TBL1X: variants seen among roughly 807,000 people sequenced by gnomAD.
TBL1X encodes F-box-like/WD repeat-containing protein TBL1X.
Under a neutral mutation model 50.7 loss-of-function variants are expected in TBL1X, and 10 were observed. That is an observed-to-expected ratio of 0.20 (90% CI 0.12 to 0.33). The LOEUF (loss-of-function observed/expected upper bound fraction) is 0.33. Among genes scored for constraint, TBL1X ranks in the 10% least tolerant of loss-of-function variants. The pLI is 1.00. For synonymous variants in TBL1X, 190 were observed against 214.7 expected (o/e 0.88, Z 1.01); for missense variants, 340 against 504.4 (o/e 0.67, Z 3.12).
At chrX:9,572,779 C>T (rs1456287412) in intron 2 of TBL1X, among the ~76,000 whole-genome samples, 1 of 112,650 alleles carries the variant, frequency 8.9e-6, no homozygotes. Flanking sequence ...CAGCAGATAA[C>T]AAAGCCCTTC....
chrX:9,707,790 GC>G (rs751035229), intron 13 of TBL1X, among the ~76,000 whole-genome samples: 71 of 111,816 alleles, frequency 6.3e-4, no homozygotes, highest in African/African-American at 2.3e-3. Context: ...TCTCCAGTCG[GC>G]CCCCTCCACC....
intron 5 of TBL1X, 108 bp from the exon 6 acceptor site, chrX:9,683,935 C>T: frequency 8.9e-7 from 1 of 1,122,468 alleles, no homozygotes; most frequent in Middle Eastern, 2.4e-4. Flanking sequence ...TCTGTCCCTG[C>T]AAATTAAGTG....
chrX:9,537,283 T>C (rs745313853), intron 2 of TBL1X, among the ~76,000 whole-genome samples: 39 of 111,242 alleles, frequency 3.5e-4, no homozygotes, highest in Non-Finnish European at 7.0e-4. Flanking sequence ...ATAGGTTTCC[T>C]CTCTCTACTG....
At chrX:9,607,261 A>AGTTCT (rs1370282294) in intron 2 of TBL1X, among the ~76,000 whole-genome samples, 1 of 113,037 alleles carries the variant, frequency 8.8e-6, no homozygotes, top group Non-Finnish European at 1.9e-5. Context: ...CGTGAGTGCC[A>AGTTCT]GTTCTGGACA....
intron 16 of TBL1X, among the ~76,000 whole-genome samples, chrX:9,713,280 G>A (rs752624916): frequency 4.5e-5 from 5 of 111,021 alleles, no homozygotes; most frequent in African/African-American, 6.6e-5. Flanking sequence ...TGAAATCCTC[G>A]CTAGAAATAG....
chrX:9,491,338 A>ATT (rs1157943868), intron 1 of TBL1X, among the ~76,000 whole-genome samples: 2,742 of 31,069 alleles, frequency 0.088, 128 homozygotes, highest in Non-Finnish European at 0.13. Context: ...ATATATATAT[A>ATT]TTTTTTTTTT....
chrX:9,712,361 G>A (rs1362202233), intron 16 of TBL1X, among the ~76,000 whole-genome samples: 8 of 112,232 alleles, frequency 7.1e-5, no homozygotes, highest in African/African-American at 2.6e-4. Flanking sequence ...TTTTTGAGAC[G>A]GAGTCTCACT....
intron 1 of TBL1X, among the ~76,000 whole-genome samples, chrX:9,484,317 T>TACACACACACACAC (rs746013426): frequency 2.7e-4 from 29 of 108,834 alleles, no homozygotes; most frequent in African/African-American, 9.5e-4. Flanking sequence ...CGTTTTTTCA[T>TACACACACACACAC]ACACACACAC....
At chrX:9,713,497 G>A (rs897733260) in intron 16 of TBL1X, among the ~76,000 whole-genome samples, 4 of 93,923 alleles carry the variant, frequency 4.3e-5, no homozygotes, top group African/African-American at 1.7e-4. Context: ...ATGCCATCTC[G>A]GCCCACTGCG....
intron 5 of TBL1X, 83 bp from the exon 6 acceptor site, chrX:9,683,960 G>A (rs369414850): frequency 2.8e-5 from 33 of 1,179,824 alleles, no homozygotes; most frequent in Admixed American, 6.5e-5. Flanking sequence ...TGAAGTCTGC[G>A]GGCCACCTTC....
intron 2 of TBL1X, among the ~76,000 whole-genome samples, chrX:9,553,903 A>T (rs1167641824): frequency 1.8e-5 from 2 of 112,264 alleles, no homozygotes; most frequent in Non-Finnish European, 3.8e-5. Context: ...CCAACACTGG[A>T]AGAAGCTGTA....
At chrX:9,704,937 A>C in intron 12 of TBL1X, 56 bp from the exon 13 acceptor site, 3 of 1,205,971 alleles carry the variant, frequency 2.5e-6, no homozygotes, top group South Asian at 1.8e-5. Context: ...ATTGTTGTAA[A>C]TCCATGGAGC....
intron 12 of TBL1X, among the ~76,000 whole-genome samples, chrX:9,701,757 T>A (rs2083175295): frequency 9.0e-6 from 1 of 110,914 alleles, no homozygotes; most frequent in Non-Finnish European, 1.9e-5. Flanking sequence ...CACCAGATTG[T>A]CACATTTCCA....
chrX:9,568,026 G>A (rs899536035), intron 2 of TBL1X, among the ~76,000 whole-genome samples: 2 of 111,808 alleles, frequency 1.8e-5, no homozygotes, highest in African/African-American at 6.5e-5. Context: ...GCTGTGGCAC[G>A]CTGCGTTGAT....
At chrX:9,684,613 AAAAG>A (rs1357680747) in intron 6 of TBL1X, among the ~76,000 whole-genome samples, 1 of 106,106 alleles carries the variant, frequency 9.4e-6, no homozygotes, top group Non-Finnish European at 1.9e-5. Context: ...AAAAAAAAAA[AAAAG>A]GAAGAAGAAG....
chrX:9,684,691 C>T (rs948988654), intron 6 of TBL1X, among the ~76,000 whole-genome samples: 1 of 109,949 alleles, frequency 9.1e-6, no homozygotes, highest in African/African-American at 3.3e-5. Flanking sequence ...CAGCAGCAAG[C>T]TTCCAGTGCC....
intron 1 of TBL1X, among the ~76,000 whole-genome samples, chrX:9,492,343 C>G (rs142829395): frequency 1.8e-5 from 2 of 110,660 alleles, no homozygotes; most frequent in Non-Finnish European, 3.8e-5. Context: ...CCTAAAAATT[C>G]ACGCGTAGTA....
At chrX:9,485,136 C>T (rs1209489999) in intron 1 of TBL1X, among the ~76,000 whole-genome samples, 3 of 110,502 alleles carry the variant, frequency 2.7e-5, no homozygotes, top group Non-Finnish European at 5.7e-5. Context: ...CACAGAGTGG[C>T]AGGCCCCATC....
intron 2 of TBL1X, among the ~76,000 whole-genome samples, chrX:9,545,000 CTTTTTT>C (rs34726098): frequency 3.1e-4 from 22 of 71,754 alleles, no homozygotes; most frequent in African/African-American, 8.5e-4. Context: ...TTTCCCCCCA[CTTTTTT>C]TTTTTTTTTT....
Sources: gnomAD v4.1 joint callset for allele counts (sites outside exome capture counted in the v4.1 genomes callset) on GRCh38, gnomAD v4.1.1 for gene constraint, MANE v1.5 for transcripts, NCBI Gene and HGNC (gene_info 2026-07-23, HGNC 2026-07-21) for gene names.